Variants in ZNF641 observed in about 807,000 individuals in gnomAD.
The protein encoded by ZNF641 is zinc finger protein 641.
A neutral mutation model predicts 46.2 loss-of-function variants in ZNF641; 26 were observed. The ratio of observed to expected loss-of-function variants is 0.56; its 90% CI spans 0.41 to 0.78. The LOEUF is 0.78. Among genes scored for constraint, ZNF641 ranks in the 30% least tolerant of loss-of-function variants. The probability of loss-of-function intolerance (pLI) is 0.00; values close to 1 mark genes in which losing one functional copy is unlikely to be tolerated. For missense variants in ZNF641, 469 were observed against 517.8 expected (o/e 0.91, Z 0.91); for synonymous variants, 163 against 187.9 (o/e 0.87, Z 1.09).
At chr12:48,347,473 A>G (rs577944747) in intron 2 of ZNF641, 130 bp from the exon 3 acceptor site, 5 of 743,622 alleles carry the variant, frequency 6.7e-6, no homozygotes, top group African/African-American at 5.3e-5. Context: ...ACTCAAATGC[A>G]TAAATGTAGA....
intron 4 of ZNF641, 118 bp downstream of exon 4, chr12:48,345,227 T>C (rs1952835452): frequency 1.7e-6 from 2 of 1,176,396 alleles, no homozygotes; most frequent in Non-Finnish European, 1.2e-6. Context: ...AGCGGAAGCA[T>C]AGACAGATTC....
rs1029186711 is a variant in ZNF641, at chr12:48,337,778, G to T, written c.*5195C>A. The T allele has an allele frequency of 6.6e-6, 1 of 151,436 alleles. No individual in the cohort carries two copies. Among genetic ancestry groups the T allele is most frequent in the South Asian group, 2.1e-4 (1 of 4,792 alleles). The allele number at this position is 151,436 out of a possible 1,614,324, so 9.4% of individuals were successfully genotyped here. A position where few individuals can be genotyped will look rare whatever the true frequency, so the allele number is the denominator to read the frequency against. On this transcript the variant is annotated 3_prime_UTR_variant, in exon 6 of 6. Transcript: ENST00000547026. ...TGGGAGGCGGAGCTTGCAGTGAGCC[G>T]AGATCGCGTCACTGCACTCCAGCCT... is the stretch of plus-strand genomic sequence containing the variant.
chr12:48,344,475 GA>G, intron 5 of ZNF641, 123 bp downstream of exon 5: 2 of 592,136 alleles, frequency 3.4e-6, no homozygotes, highest in Non-Finnish European at 5.8e-6. Flanking sequence ...TGCTTTTGAA[GA>G]AAAAAATCTC....
At position 48,347,924 on chromosome 12, in the gene ZNF641, T is replaced by C; in HGVS notation, c.167A>G (p.Gln56Arg). 6.2e-7 allele frequency: 1 copy of C among 1,614,204 alleles called. No homozygotes were observed. Among genetic ancestry groups the C allele is most frequent in the Non-Finnish European group, 8.5e-7 (1 of 1,180,024 alleles). ...GTTCTCACCCTTCTCCTGAAGGGAC[T>C]GTGGCTCCTCTTCAAGGTCACAGCA... Reference protein sequence around the residue: ...HLCCDLEEEPQSLQEKAQSAP... With the variant: ...HLCCDLEEEPRSLQEKAQSAP... Residue 56 changes from glutamine to arginine, a missense_variant, in exon 2 of 6, where the codon CAG (glutamine) becomes CGG (arginine). By Grantham distance (43) the Gln-to-Arg change is conservative. Coordinates refer to ENST00000547026, the MANE Select transcript of ZNF641 (RefSeq NM_001172681.2).
chr12:48,339,714 GTGATT>G lies in ZNF641; in HGVS notation c.*3254_*3258del, dbSNP rs1952676552. On this transcript the variant is annotated 3_prime_UTR_variant, in exon 6 of 6. Transcript: ENST00000547026. ...CTGCCCTTGATGGAAATAGGAAACA[GTGATT>G]TGATTGCAGGAATGTTGGAAAGGGA... The G allele has an allele frequency of 1.9e-5, 3 of 159,842 alleles. No homozygotes were observed. Among genetic ancestry groups the G allele is most frequent in the South Asian group, 4.0e-4 (2 of 4,960 alleles). 9.9% of individuals were successfully genotyped at this position (159,842 alleles called of 1,614,324 possible).
At position 48,340,801 on chromosome 12, in the gene ZNF641, G is replaced by A. The variant is rs1481036403; in HGVS notation, c.*2172C>T. ...AACCATTGCTTATGCAGAGCTTTTA[G>A]TATTAAAGAGGGAGAGTAAAAGAAA... On this transcript the variant is annotated 3_prime_UTR_variant, in exon 6 of 6. Transcript: ENST00000547026. 3.0e-6 allele frequency: 3 copies of A among 985,386 alleles called. No homozygotes were observed. Among genetic ancestry groups the A allele is most frequent in the Non-Finnish European group, 3.6e-6 (3 of 829,878 alleles). 61.0% of individuals were successfully genotyped at this position (985,386 alleles called of 1,614,324 possible). A position where few individuals can be genotyped will look rare whatever the true frequency, so the allele number is the denominator to read the frequency against.
rs74087201 is a variant in ZNF641 at position 48,350,338 on chromosome 12, T to C, written c.-26+448A>G. The C allele has an allele frequency of 7.4e-3, 6,826 of 917,028 alleles. 321 individuals are homozygous for C. In the African/African-American group the frequency reaches 0.1, roughly 14 times the overall value. 56.8% of individuals were successfully genotyped at this position (917,028 alleles called of 1,614,324 possible). A position where few individuals can be genotyped will look rare whatever the true frequency, so the allele number is the denominator to read the frequency against. On this transcript the variant is annotated intron_variant, in intron 1 of 5. Coordinates refer to ENST00000547026, the MANE Select transcript of ZNF641 (RefSeq NM_001172681.2). The stretch of plus-strand genomic sequence containing the variant: ...CCGTCCATCAGAGAACCCTGGCCCC[T>C]GCCACGGGTAGGGCATGGGCGGGAC...
Position 48,344,588 on chromosome 12 carries a change from T to G in ZNF641, c.520+11A>C, listed in dbSNP as rs992129963. Reference sequence around the variant, plus strand: ...GAAGGAAGTGGCTGAAAGCCTATTCTAGGTTCTTACCTGTATATGTGACCC... The same window carrying G: ...GAAGGAAGTGGCTGAAAGCCTATTCGAGGTTCTTACCTGTATATGTGACCC... On this transcript the variant is annotated intron_variant, in intron 5 of 5. Transcript: ENST00000547026. 5.1e-6 allele frequency: 8 copies of G among 1,568,038 alleles called. No homozygotes were observed. The highest frequency in any genetic ancestry group is 7.0e-6 in the Non-Finnish European group (8 of 1,140,928).
Position 48,343,241 on chromosome 12 carries a change from C to A in ZNF641, c.1007G>T (p.Gly336Val), listed in dbSNP as rs1360409559. The A allele has an allele frequency of 1.9e-6, 3 of 1,614,120 alleles. No individual in the cohort carries two copies. The highest frequency in any genetic ancestry group is 1.7e-6 in the Non-Finnish European group (2 of 1,180,050). Residue 336 changes from glycine (G) to valine (V), a missense_variant, in exon 6 of 6, where the codon GGC becomes GTC. Gly to Val is a moderately radical substitution (Grantham distance 109). Transcript: ENST00000547026. ...GCCAGGGCTCTCTCCAACCTCTTGGCCTTTGCAGGATTTGCCTTCTGCATG... is the reference window on the plus strand; with the variant it reads ...GCCAGGGCTCTCTCCAACCTCTTGGACTTTGCAGGATTTGCCTTCTGCATG... Reference protein sequence around the residue: ...RVHAEGKSCKGQEVGESPGTR... With the variant: ...RVHAEGKSCKVQEVGESPGTR...
chr12:48,342,824 C>T lies in ZNF641; in HGVS notation c.*149G>A. On this transcript the variant is annotated 3_prime_UTR_variant, in exon 6 of 6. Transcript: ENST00000547026. ...TATCTCACAGAACTGGTGAGAAATG[C>T]TCTGGCCATTGCTGGGACCTCATCT... is the stretch of plus-strand genomic sequence containing the variant. 7.0e-7 allele frequency: 1 copy of T among 1,437,470 alleles called. No homozygotes were observed. The highest frequency in any genetic ancestry group is 9.1e-7 in the Non-Finnish European group (1 of 1,100,704). 89.0% of individuals were successfully genotyped at this position (1,437,470 alleles called of 1,614,324 possible).
In ZNF641 at chr12:48,343,471, AAACT is replaced by A. The variant is rs1238912385; in HGVS notation, c.773_776del (p.Gln258LeufsTer116). On this transcript the variant is annotated frameshift_variant, in exon 6 of 6. Transcript: ENST00000547026. LOFTEE classifies it high-confidence loss of function. ...GCCTGGCAAGGTGGGAACCCCATAC[AAACT>A]GTTTCCCACACTGGGGGCATGTGTG... The A allele has an allele frequency of 1.2e-6, 2 of 1,614,024 alleles. No homozygotes were observed. Among genetic ancestry groups the A allele is most frequent in the Non-Finnish European group, 8.5e-7 (1 of 1,179,896 alleles).
intron 3 of ZNF641, among the ~76,000 whole-genome samples, chr12:48,346,156 G>A (rs1275748788): frequency 1.3e-5 from 2 of 151,902 alleles, no homozygotes; most frequent in Non-Finnish European, 2.9e-5. Context: ...TGCCCACCTC[G>A]GCCTCCCAAA....
downstream of ZNF641, among the ~76,000 whole-genome samples, chr12:48,335,116 A>C (rs1294316192): frequency 2.0e-5 from 3 of 151,954 alleles, no homozygotes; most frequent in East Asian, 5.8e-4. Flanking sequence ...GGGGAACTTT[A>C]CCCCTCCCAT....
Position 48,350,862 on chromosome 12 carries a change from G to A in ZNF641, c.-102C>T. The A allele has an allele frequency of 1.0e-6, 1 of 985,164 alleles. No homozygotes were observed. Among genetic ancestry groups the A allele is most frequent in the Non-Finnish European group, 1.2e-6 (1 of 829,812 alleles). 61.0% of individuals were successfully genotyped at this position (985,164 alleles called of 1,614,324 possible). On this transcript the variant is annotated 5_prime_UTR_variant, in exon 1 of 6. It adds an upstream start codon to the 5' untranslated region. Coordinates refer to ENST00000547026, the MANE Select transcript of ZNF641 (RefSeq NM_001172681.2). ...CCCCTCCCCTCCGCCCTCCGCTTGC[G>A]TCTGGGAGCCGGCGGCCGGCGGAGC...
In ZNF641 at chr12:48,341,434, T is replaced by C. The variant is rs1014594034; in HGVS notation, c.*1539A>G. ...TCATTAGCTAACGATGCTAGAATAC[T>C]TATGCAAGCCCTAGAGTTAAGGGTC... On this transcript the variant is annotated 3_prime_UTR_variant, in exon 6 of 6. Transcript: ENST00000547026. 3.0e-6 allele frequency: 3 copies of C among 985,352 alleles called. No homozygotes were observed. The highest frequency in any genetic ancestry group is 6.1e-5 in the Admixed American group (1 of 16,264). The allele number at this position is 985,352 out of a possible 1,614,324, so 61.0% of individuals were successfully genotyped here. A position where few individuals can be genotyped will look rare whatever the true frequency, so the allele number is the denominator to read the frequency against.
chr12:48,345,932 G>C (rs893193565), intron 3 of ZNF641, among the ~76,000 whole-genome samples: 1 of 147,882 alleles, frequency 6.8e-6, no homozygotes, highest in Non-Finnish European at 1.5e-5. Flanking sequence ...TTGAGACGGA[G>C]TCTCACTGTC....
Position 48,341,238 on chromosome 12 carries a change from G to T in ZNF641, c.*1735C>A, listed in dbSNP as rs1167746724. 1 of 985,270 alleles carries T rather than the reference G, an allele frequency of 1.0e-6. No homozygotes were observed. The highest frequency in any genetic ancestry group is 1.1e-4 in the East Asian group (1 of 8,828). The allele number at this position is 985,270 out of a possible 1,614,324, so 61.0% of individuals were successfully genotyped here. On this transcript the variant is annotated 3_prime_UTR_variant, in exon 6 of 6. Transcript: ENST00000547026. The stretch of plus-strand genomic sequence containing the variant: ...GCCTCTCTGGTTCATTCCACCAATT[G>T]TGGTTGAGAAACACATCTTAGGGAA...
In ZNF641 at chr12:48,340,520, T is replaced by C. The variant is rs1461870905; in HGVS notation, c.*2453A>G. The C allele has an allele frequency of 4.1e-6, 4 of 970,970 alleles. No individual in the cohort carries two copies. The highest frequency in any genetic ancestry group is 1.9e-5 in the African/African-American group (1 of 52,756). 60.1% of individuals were successfully genotyped at this position (970,970 alleles called of 1,614,324 possible). On this transcript the variant is annotated 3_prime_UTR_variant, in exon 6 of 6. Coordinates refer to ENST00000547026, the MANE Select transcript of ZNF641 (RefSeq NM_001172681.2). ...AATTAAAGACCAGACTCCATCCTTATACCACTGATGCCTCTGGTACCTTAA... is the reference window on the plus strand; with the variant it reads ...AATTAAAGACCAGACTCCATCCTTACACCACTGATGCCTCTGGTACCTTAA...
rs202117385 is a variant in ZNF641, at chr12:48,342,699, G to C, written c.*274C>G. On this transcript the variant is annotated 3_prime_UTR_variant, in exon 6 of 6. Transcript: ENST00000547026. ...AATGGATTTCAGCCATAAACTGCCA[G>C]TACCACTCTCCTCTTGAGAACAGCT... 9.5e-7 allele frequency: 1 copy of C among 1,047,148 alleles called. No homozygotes were observed. The highest frequency in any genetic ancestry group is 1.6e-5 in the African/African-American group (1 of 62,452). 64.9% of individuals were successfully genotyped at this position (1,047,148 alleles called of 1,614,324 possible). A position where few individuals can be genotyped will look rare whatever the true frequency, so the allele number is the denominator to read the frequency against.
Sources: gnomAD v4.1 joint callset for allele counts (sites outside exome capture counted in the v4.1 genomes callset) on GRCh38, gnomAD v4.1.1 for gene constraint, MANE v1.5 for transcripts, NCBI Gene and HGNC (gene_info 2026-07-23, HGNC 2026-07-21) for gene names.